Variants in FAM227B observed in about 807,000 individuals in gnomAD.
FAM227B encodes the protein family with sequence similarity 227 member B, also known as protein FAM227B.
Under a neutral mutation model 73.8 loss-of-function variants are expected in FAM227B, and 88 were observed. That is an observed-to-expected ratio of 1.19 (90% CI 1.00 to 1.42). The LOEUF (loss-of-function observed/expected upper bound fraction) is 1.42, where lower values mean the gene tolerates loss of function less well. Ranked by LOEUF, FAM227B falls within the 40% of genes most tolerant of loss-of-function variation. The pLI is 0.00. For synonymous variants in FAM227B, 210 were observed against 190.5 expected, an observed-to-expected ratio of 1.10 and a Z score of -0.84; for missense variants, 632 against 590.9, an observed-to-expected ratio of 1.07 and a Z score of -0.72.
chr15:49,406,169 G>A (rs1481490499), intron 11 of FAM227B, among the ~76,000 whole-genome samples: 4 of 152,166 alleles, frequency 2.6e-5, no homozygotes, highest in African/African-American at 9.7e-5. Flanking sequence ...TCTGATGGGT[G>A]GTGTCGGTCA....
At chr15:49,616,894 A>C (rs1297649108) in intron 1 of FAM227B, among the ~76,000 whole-genome samples, 2 of 152,098 alleles carry the variant, frequency 1.3e-5, no homozygotes, top group African/African-American at 4.8e-5. Flanking sequence ...TCATTTCTGA[A>C]ATTTGTACTT....
At chr15:49,448,338 C>T (rs563899532) in intron 11 of FAM227B, among the ~76,000 whole-genome samples, 1 of 151,246 alleles carries the variant, frequency 6.6e-6, no homozygotes, top group Non-Finnish European at 1.5e-5. Flanking sequence ...CTCTTCCCTT[C>T]TCTCCTTTCT....
chr15:49,416,766 CACAT>C (rs1567236162), intron 11 of FAM227B, among the ~76,000 whole-genome samples: 3 of 102,316 alleles, frequency 2.9e-5, no homozygotes, highest in African/African-American at 7.5e-5. Flanking sequence ...TTGCCACACA[CACAT>C]AGACACACAC....
chr15:49,377,185 C>CA (rs2046222827), intron 11 of FAM227B, among the ~76,000 whole-genome samples: 1 of 152,016 alleles, frequency 6.6e-6, no homozygotes, highest in Non-Finnish European at 1.5e-5. Context: ...CATGTTGTTG[C>CA]AAATGCCTGG....
chr15:49,444,022 A>G (rs2151850823), intron 11 of FAM227B, among the ~76,000 whole-genome samples: 1 of 151,852 alleles, frequency 6.6e-6, no homozygotes, highest in East Asian at 1.9e-4. Context: ...TAAACACATC[A>G]GAATAGCAGG....
intron 3 of FAM227B, 97 bp downstream of exon 3, chr15:49,611,118 A>G: frequency 1.4e-6 from 1 of 715,614 alleles, no homozygotes. Flanking sequence ...ATATTTCTGA[A>G]ATTTCTAGTC....
At chr15:49,377,603 G>T (rs1172846687) in intron 11 of FAM227B, among the ~76,000 whole-genome samples, 1 of 152,112 alleles carries the variant, frequency 6.6e-6, no homozygotes, top group Non-Finnish European at 1.5e-5. Flanking sequence ...TTTCTCTGAT[G>T]ATCAATAATG....
At chr15:49,481,784 T>C (rs2055970557) in intron 11 of FAM227B, among the ~76,000 whole-genome samples, 1 of 152,182 alleles carries the variant, frequency 6.6e-6, no homozygotes, top group South Asian at 2.1e-4. Flanking sequence ...ATTTTCTTAA[T>C]AAAACCCAAT....
chr15:49,511,293 A>G (rs965751055), intron 10 of FAM227B, among the ~76,000 whole-genome samples: 1 of 152,070 alleles, frequency 6.6e-6, no homozygotes, highest in Non-Finnish European at 1.5e-5. Flanking sequence ...ATACACATTA[A>G]AGGCCATAAA....
chr15:49,565,557 A>G (rs974713609), intron 9 of FAM227B, among the ~76,000 whole-genome samples: 3 of 152,148 alleles, frequency 2.0e-5, no homozygotes, highest in Non-Finnish European at 4.4e-5. Context: ...CTGCATTCAG[A>G]TAAGTATTTA....
In FAM227B at chr15:49,328,177, G is replaced by C. The variant is rs760074206; in HGVS notation, c.*391C>G. 1 of 1,605,266 alleles carries C rather than the reference G, an allele frequency of 6.2e-7. No individual in the cohort carries two copies. Among genetic ancestry groups the C allele is most frequent in the South Asian group, 1.1e-5 (1 of 89,918 alleles). ...AGGCCTGAAAAAATGTAAAAAGTCT[G>C]AGAGAAACTACTTAGGGCACTTAGG... On this transcript the variant is annotated 3_prime_UTR_variant, in exon 16 of 16. Coordinates refer to ENST00000299338, the MANE Select transcript of FAM227B (RefSeq NM_152647.3).
chr15:49,465,662 C>A (rs1156495554), intron 11 of FAM227B, among the ~76,000 whole-genome samples: 1 of 152,042 alleles, frequency 6.6e-6, no homozygotes, highest in African/African-American at 2.4e-5. Flanking sequence ...GAGTTGGCAT[C>A]ATAAAATACA....
intron 10 of FAM227B, among the ~76,000 whole-genome samples, chr15:49,525,394 A>G (rs757425512): frequency 1.3e-5 from 2 of 152,064 alleles, no homozygotes; most frequent in Non-Finnish European, 2.9e-5. Flanking sequence ...CTCCACAGCC[A>G]TATGGAACTG....
intron 8 of FAM227B, among the ~76,000 whole-genome samples, chr15:49,569,092 T>C (rs2074892469): frequency 6.6e-6 from 1 of 152,042 alleles, no homozygotes; most frequent in East Asian, 1.9e-4. Flanking sequence ...TTCTTTATGA[T>C]TCCATCTTGT....
intron 3 of FAM227B, among the ~76,000 whole-genome samples, chr15:49,604,915 C>G (rs1276293496): frequency 6.6e-6 from 1 of 151,900 alleles, no homozygotes; most frequent in Non-Finnish European, 1.5e-5. Context: ...GATTTTTTAT[C>G]TCTTTTATAA....
chr15:49,591,045 A>ATCTT (rs2076516752), intron 3 of FAM227B, among the ~76,000 whole-genome samples: 1 of 72,564 alleles, frequency 1.4e-5, no homozygotes, highest in Non-Finnish European at 2.5e-5. Context: ...TTTTTTTTTG[A>ATCTT]TTTTTTTTTT....
chr15:49,344,282 C>G (rs1389204449), intron 13 of FAM227B: 1 of 152,114 alleles, frequency 6.6e-6, no homozygotes, highest in African/African-American at 2.4e-5. Flanking sequence ...CTGTTACATA[C>G]AAATACATAT....
intron 13 of FAM227B, among the ~76,000 whole-genome samples, chr15:49,356,232 A>G (rs1567139013): frequency 6.6e-6 from 1 of 152,180 alleles, no homozygotes. Flanking sequence ...TCAAATTCAC[A>G]CATAACAATT....
intron 11 of FAM227B, among the ~76,000 whole-genome samples, chr15:49,478,780 G>A (rs1371939455): frequency 6.6e-5 from 10 of 152,048 alleles, no homozygotes; most frequent in Non-Finnish European, 1.0e-4. Context: ...AAATATTAAT[G>A]ATGCTGAGAT....
Sources: allele counts gnomAD v4.1 joint callset (sites outside exome capture counted in the v4.1 genomes callset), GRCh38; gene constraint gnomAD v4.1.1; transcripts MANE v1.5; gene names NCBI Gene and HGNC (gene_info 2026-07-23, HGNC 2026-07-21).